Variants in JAK2 observed in about 807,000 individuals in gnomAD.
JAK2 encodes the protein tyrosine-protein kinase JAK2.
JAK2 carries 86 observed loss-of-function variants against 139.3 expected under a neutral mutation model. The ratio of observed to expected loss-of-function variants is 0.62; its 90% CI spans 0.52 to 0.74. The LOEUF is 0.74. JAK2 is among the 30% of genes least tolerant of loss of function. The pLI, the probability that JAK2 is intolerant of heterozygous loss-of-function variation, is 0.00. For synonymous variants in JAK2, 490 were observed against 437.7 expected (o/e 1.12, Z -1.49); for missense variants, 1,421 against 1,360.3 (o/e 1.04, Z -0.70).
rs74449934 is a variant in JAK2, at chr9:5,128,555, G to A, written c.*1764G>A. Among the ~76,000 whole-genome samples, 13,071 of 151,720 alleles carry A rather than the reference G, an allele frequency of 0.086. 1,733 individuals carry two copies. Among genetic ancestry groups the A allele is most frequent in the African/African-American group, 0.29 (11,991 of 41,410 alleles). On this transcript the variant is annotated 3_prime_UTR_variant, in exon 25 of 25. Coordinates refer to ENST00000381652, the MANE Select transcript of JAK2 (RefSeq NM_004972.4). ...ATACTTAAAAGTAGGTTCTTATCAA[G>A]GGTCTCTAACATTGCTTTTTAAAAC...
chr9:5,118,007 A>G (rs569677225), intron 22 of JAK2, among the ~76,000 whole-genome samples: 1 of 152,222 alleles, frequency 6.6e-6, no homozygotes, highest in African/African-American at 2.4e-5. Flanking sequence ...GTAAGTAGTT[A>G]TAATGTATTT....
intron 22 of JAK2, 33 bp downstream of exon 22, chr9:5,090,944 T>C (rs773913675): frequency 2.8e-6 from 4 of 1,408,226 alleles, no homozygotes; most frequent in Non-Finnish European, 2.9e-6. Context: ...AATGAAATTT[T>C]AGAGCACAGA....
intron 22 of JAK2, among the ~76,000 whole-genome samples, chr9:5,118,358 C>T (rs1586834166): frequency 6.6e-6 from 1 of 152,052 alleles, no homozygotes; most frequent in South Asian, 2.1e-4. Flanking sequence ...TTATGATCAC[C>T]TATTTTCTTT....
At chr9:5,058,545 C>T (rs1438880724) in intron 8 of JAK2, among the ~76,000 whole-genome samples, 7 of 152,102 alleles carry the variant, frequency 4.6e-5, no homozygotes, top group South Asian at 2.1e-4. Flanking sequence ...TGGGTGGGGA[C>T]GCAGAGCCAA....
In JAK2 at chr9:5,054,896, T is replaced by C; in HGVS notation, c.936+12T>C. 1 of 1,533,058 alleles carries C rather than the reference T, an allele frequency of 6.5e-7. No individual in the cohort carries two copies. The highest frequency in any genetic ancestry group is 1.2e-5 in the South Asian group (1 of 83,348). 95.0% of individuals were successfully genotyped at this position (1,533,058 alleles called of 1,614,324 possible). ...CACTGACAGAACAGGTAATCCTTAA[T>C]GATATGTTCTTGTTCTTTGTTATTT... On this transcript the variant is annotated intron_variant, in intron 7 of 24. Transcript: ENST00000381652. This position sits in a 1 kb window ranked among gnomAD's most constrained non-coding sequence, Gnocchi z 4.9.
At chr9:5,102,179 T>C (rs1821549081) in intron 22 of JAK2, among the ~76,000 whole-genome samples, 1 of 151,890 alleles carries the variant, frequency 6.6e-6, no homozygotes. Flanking sequence ...CAATAAACAG[T>C]GTAGAGAAGA....
intron 22 of JAK2, among the ~76,000 whole-genome samples, chr9:5,116,473 A>C (rs911426484): frequency 2.0e-5 from 3 of 152,220 alleles, no homozygotes; most frequent in African/African-American, 7.2e-5. Flanking sequence ...ACTCATCTAA[A>C]AATAATCATC....
Position 5,126,436 on chromosome 9 carries a change from G to T in JAK2, c.3281G>T (p.Cys1094Phe). 1 of 1,600,592 alleles carries T rather than the reference G, an allele frequency of 6.2e-7. No individual in the cohort carries two copies. Among genetic ancestry groups the T allele is most frequent in the South Asian group, 1.1e-5 (1 of 89,714 alleles). Reference sequence around the variant, plus strand: ...GGAAGATTACCAAGACCAGATGGATGCCCAGATGAGGTAACAATTTTTTTT... The same window carrying T: ...GGAAGATTACCAAGACCAGATGGATTCCCAGATGAGGTAACAATTTTTTTT... ...NNGRLPRPDG[C>F]PDEIYMIMTE... The change falls in exon 24 of 25, where the codon TGC (cysteine) becomes TTC (phenylalanine). Residue 1094 changes from cysteine to phenylalanine, a missense_variant. Cys to Phe is a radical substitution (Grantham distance 205, BLOSUM62 -2). Coordinates refer to ENST00000381652, the MANE Select transcript of JAK2 (RefSeq NM_004972.4).
At chr9:5,114,301 G>C (rs928596481) in intron 22 of JAK2, 4 of 542,264 alleles carry the variant, frequency 7.4e-6, no homozygotes, top group South Asian at 3.2e-5. Context: ...AAGCTGACTT[G>C]GTCCCAGGCC....
At chr9:5,093,269 C>G (rs1240375480) in intron 22 of JAK2, among the ~76,000 whole-genome samples, 1 of 152,178 alleles carries the variant, frequency 6.6e-6, no homozygotes, top group Non-Finnish European at 1.5e-5. Context: ...CTCGGCAAAT[C>G]TTACCCCACC....
In JAK2 at chr9:5,127,579, C is replaced by G; in HGVS notation, c.*788C>G. On this transcript the variant is annotated 3_prime_UTR_variant, in exon 25 of 25. Coordinates refer to ENST00000381652, the MANE Select transcript of JAK2 (RefSeq NM_004972.4). ...ATGTGTTTTTTAAATGGAACTATCTCCAAATTTTTCTAAGACTACTATGAA... is the reference window on the plus strand; with the variant it reads ...ATGTGTTTTTTAAATGGAACTATCTGCAAATTTTTCTAAGACTACTATGAA... 1 of 231,546 alleles carries G rather than the reference C, an allele frequency of 4.3e-6. No homozygotes were observed. 14.3% of individuals were successfully genotyped at this position (231,546 alleles called of 1,614,324 possible).
At chr9:5,079,367 C>G (rs896326365) in intron 16 of JAK2, among the ~76,000 whole-genome samples, 8 of 152,172 alleles carry the variant, frequency 5.3e-5, no homozygotes, top group African/African-American at 1.9e-4. Flanking sequence ...CTGGTGGAAT[C>G]AAAGACCACA....
In JAK2 at chr9:5,090,852, C is replaced by G. The variant is rs1272660270; in HGVS notation, c.3000C>G (p.Val1000=). The G allele has an allele frequency of 9.3e-6, 15 of 1,613,032 alleles. No homozygotes were observed. Among genetic ancestry groups the G allele is most frequent in the South Asian group, 3.3e-5 (3 of 91,006 alleles). ...TTGGAGATTTTGGGTTAACCAAAGTCTTGCCACAAGACAAAGAATACTATA... is the reference window on the plus strand; with the variant it reads ...TTGGAGATTTTGGGTTAACCAAAGTGTTGCCACAAGACAAAGAATACTATA... ...VKIGDFGLTK[V]LPQDKEYYKV... is the part of the protein sequence containing the mutation. The change falls in exon 22 of 25, where the codon GTC becomes GTG. Residue 1000 remains valine (V), a synonymous_variant. Transcript: ENST00000381652.
intron 8 of JAK2, among the ~76,000 whole-genome samples, chr9:5,060,923 C>T (rs1818123989): frequency 6.6e-6 from 1 of 152,200 alleles, no homozygotes; most frequent in African/African-American, 2.4e-5. Flanking sequence ...CCATGGGCTA[C>T]AGAATGGATG....
intron 2 of JAK2, among the ~76,000 whole-genome samples, chr9:4,997,225 G>A (rs1010327740): frequency 3.9e-5 from 6 of 151,992 alleles, no homozygotes; most frequent in South Asian, 2.1e-4. Flanking sequence ...GAGCCACCGC[G>A]CATGGCCTGT....
chr9:5,095,489 A>G (rs966941853), intron 22 of JAK2, among the ~76,000 whole-genome samples: 1 of 152,016 alleles, frequency 6.6e-6, no homozygotes, highest in Non-Finnish European at 1.5e-5. Flanking sequence ...ACAATAATAA[A>G]CACTACTAAT....
intron 3 of JAK2, among the ~76,000 whole-genome samples, chr9:5,025,401 A>C (rs1822715242): frequency 6.6e-6 from 1 of 152,228 alleles, no homozygotes; most frequent in East Asian, 1.9e-4. Flanking sequence ...CTCAAATATA[A>C]ATCTTGTCTG....
At chr9:5,110,965 A>G (rs1822447968) in intron 22 of JAK2, 3 of 603,732 alleles carry the variant, frequency 5.0e-6, no homozygotes, top group South Asian at 4.5e-5. Context: ...GGAGCTCAGT[A>G]ACCTGGACTT....
At chr9:4,995,086 T>G (rs1820484413) in intron 2 of JAK2, among the ~76,000 whole-genome samples, 2 of 152,318 alleles carry the variant, frequency 1.3e-5, no homozygotes, top group South Asian at 4.1e-4. Flanking sequence ...TTTACTAACA[T>G]TGTGTTTTCA....
Sources: allele counts gnomAD v4.1 joint callset (sites outside exome capture counted in the v4.1 genomes callset), GRCh38; gene constraint gnomAD v4.1.1; non-coding constraint Gnocchi (gnomAD v3.1); transcripts MANE v1.5; gene names NCBI Gene and HGNC (gene_info 2026-07-23, HGNC 2026-07-21).